Variants in THSD7B observed in about 807,000 individuals in gnomAD.
THSD7B encodes thrombospondin type-1 domain-containing protein 7B.
In THSD7B, 138 loss-of-function variants were observed where a neutral mutation model predicts 213.6. That is an observed-to-expected ratio of 0.65 (90% CI 0.56 to 0.74). The LOEUF (loss-of-function observed/expected upper bound fraction) is 0.74, where lower values mean the gene tolerates loss of function less well. Among genes scored for constraint, THSD7B ranks in the 30% least tolerant of loss-of-function variants. The pLI is 0.00. For missense variants in THSD7B, 1,931 were observed against 1,991.5 expected, an observed-to-expected ratio of 0.97 and a Z score of 0.58; for synonymous variants, 742 against 687.0, an observed-to-expected ratio of 1.08 and a Z score of -1.25.
chr2:137,399,903 C>T (rs1316229486), intron 12 of THSD7B, among the ~76,000 whole-genome samples: 1 of 151,976 alleles, frequency 6.6e-6, no homozygotes, highest in Admixed American at 6.6e-5. Flanking sequence ...ATTCTTTTCT[C>T]TTTATTTTTG....
chr2:136,991,395 A>T (rs1331764667), intron 2 of THSD7B, among the ~76,000 whole-genome samples: 2 of 152,232 alleles, frequency 1.3e-5, no homozygotes, highest in African/African-American at 4.8e-5. Flanking sequence ...ACCATGTTCT[A>T]TAGAAAGGTA....
intron 1 of THSD7B, among the ~76,000 whole-genome samples, chr2:136,860,782 G>C (rs1161603745): frequency 1.3e-5 from 2 of 152,194 alleles, no homozygotes; most frequent in African/African-American, 4.8e-5. Flanking sequence ...TCACTGTTCT[G>C]TTCAAAATAC....
chr2:137,024,233 G>A (rs973171214), intron 2 of THSD7B, among the ~76,000 whole-genome samples: 8 of 152,130 alleles, frequency 5.3e-5, no homozygotes, highest in African/African-American at 1.9e-4. Context: ...GGAGAATGGG[G>A]GAGACTAAAC....
Position 137,410,288 on chromosome 2 carries a change from A to G in THSD7B, c.2696-1321A>G, listed in dbSNP as rs535907983. Reference sequence around the variant, plus strand: ...AAATTCTTTTTTTTTTTCTTTTTTGAGACAGCATCTTGCTCTGTCGCCCAG... The same window carrying G: ...AAATTCTTTTTTTTTTTCTTTTTTGGGACAGCATCTTGCTCTGTCGCCCAG... On this transcript the variant is annotated intron_variant, in intron 13 of 27. Coordinates refer to ENST00000409968, the MANE Select transcript of THSD7B (RefSeq NM_001316349.2). Among the ~76,000 whole-genome samples the G allele has an allele frequency of 6.8e-4, 103 of 150,692 alleles. 1 individual carries two copies. Among genetic ancestry groups the G allele is most frequent in the African/African-American group, 2.3e-3 (96 of 41,038 alleles).
At chr2:137,042,995 A>G (rs1686909072) in intron 2 of THSD7B, among the ~76,000 whole-genome samples, 1 of 152,152 alleles carries the variant, frequency 6.6e-6, no homozygotes, top group Non-Finnish European at 1.5e-5. Flanking sequence ...TGGAAAGGGT[A>G]ATGAGGATAG....
intron 2 of THSD7B, among the ~76,000 whole-genome samples, chr2:136,954,691 T>C (rs567210895): frequency 8.4e-6 from 1 of 118,958 alleles, no homozygotes; most frequent in African/African-American, 3.4e-5. Flanking sequence ...CACTCCAGCC[T>C]GGGTGACAGT....
chr2:136,802,698 T>A (rs1682212138), intron 1 of THSD7B, among the ~76,000 whole-genome samples: 1 of 135,326 alleles, frequency 7.4e-6, no homozygotes, highest in Non-Finnish European at 1.6e-5. Flanking sequence ...ATTTGATCAC[T>A]GCTTTTGCAT....
At chr2:136,811,766 T>A (rs1682380719) in intron 1 of THSD7B, among the ~76,000 whole-genome samples, 1 of 152,156 alleles carries the variant, frequency 6.6e-6, no homozygotes, top group Non-Finnish European at 1.5e-5. Context: ...GACGTATGAT[T>A]TCTGGGTTCT....
intron 7 of THSD7B, among the ~76,000 whole-genome samples, chr2:137,225,057 G>A (rs758424023): frequency 1.3e-5 from 2 of 151,836 alleles, no homozygotes; most frequent in African/African-American, 2.4e-5. Context: ...ACTTCTATCA[G>A]TTCTTAGAAC....
rs534596621 is a variant in THSD7B, at chr2:137,570,634, ATTG to A, written c.3273-1769_3273-1767del. 1.4e-3 allele frequency among the ~76,000 whole-genome samples: 219 copies of A among 152,312 alleles called. 1 individual carries two copies. Among genetic ancestry groups the A allele is most frequent in the African/African-American group, 4.8e-3 (201 of 41,572 alleles). ...GGGAGCACCAAAAGCTCTTTAGCGT[ATTG>A]TTATTAAAGTGCTTATTTCTTAACC... On this transcript the variant is annotated intron_variant, in intron 16 of 27. Coordinates refer to ENST00000409968, the MANE Select transcript of THSD7B (RefSeq NM_001316349.2).
At chr2:137,467,079 A>G (rs1267558605) in intron 15 of THSD7B, among the ~76,000 whole-genome samples, 2 of 152,142 alleles carry the variant, frequency 1.3e-5, no homozygotes, top group Admixed American at 1.3e-4. Flanking sequence ...CTGAAGCTGC[A>G]TGTATGTCCA....
chr2:136,923,660 G>T (rs776991707), intron 2 of THSD7B, among the ~76,000 whole-genome samples: 2 of 152,106 alleles, frequency 1.3e-5, no homozygotes, highest in Admixed American at 6.6e-5. Context: ...TAATGGGGGC[G>T]AGGTGTTATC....
At chr2:137,411,005 T>C (rs1460064298) in intron 13 of THSD7B, among the ~76,000 whole-genome samples, 1 of 152,216 alleles carries the variant, frequency 6.6e-6, no homozygotes, top group Non-Finnish European at 1.5e-5. Context: ...AGTGAATTGG[T>C]AAGGTAAAGT....
rs149847329 is a variant in THSD7B at position 137,174,738 on chromosome 2, C to T, written c.1723+3800C>T. Among the ~76,000 whole-genome samples, 968 of 152,134 alleles carry T rather than the reference C, an allele frequency of 6.4e-3. 6 individuals are homozygous for T. The highest frequency in any genetic ancestry group is 8.0e-3 in the Non-Finnish European group (547 of 67,990). On this transcript the variant is annotated intron_variant, in intron 7 of 27. Coordinates refer to ENST00000409968, the MANE Select transcript of THSD7B (RefSeq NM_001316349.2). The stretch of plus-strand genomic sequence containing the variant: ...GTGTTCTTATTTGGAATCTGATTTC[C>T]GAGTCTCTGATTGATGGAATAGCTT...
chr2:136,872,657 C>T (rs1045714256), intron 1 of THSD7B, among the ~76,000 whole-genome samples: 6 of 147,546 alleles, frequency 4.1e-5, no homozygotes, highest in African/African-American at 7.5e-5. Context: ...TCTCTCCTCT[C>T]TCTTCTCTCT....
intron 20 of THSD7B, among the ~76,000 whole-genome samples, chr2:137,637,145 G>A (rs1025532887): frequency 2.6e-5 from 4 of 152,260 alleles, no homozygotes; most frequent in Admixed American, 2.6e-4. Context: ...TTTCTTGATA[G>A]AATAATTATT....
At chr2:136,871,116 T>C (rs1293888492) in intron 1 of THSD7B, among the ~76,000 whole-genome samples, 1 of 152,178 alleles carries the variant, frequency 6.6e-6, no homozygotes, top group African/African-American at 2.4e-5. Context: ...TGGTGAAGTG[T>C]GACACTGTCG....
chr2:137,091,520 T>TATTTTATTC (rs1553470201), intron 3 of THSD7B, among the ~76,000 whole-genome samples: 31 of 151,728 alleles, frequency 2.0e-4, no homozygotes, highest in Admixed American at 6.6e-4. Context: ...TATTTTATTT[T>TATTTTATTC]ATTCATTCAT....
At chr2:136,945,071 T>C (rs2105064837) in intron 2 of THSD7B, among the ~76,000 whole-genome samples, 1 of 152,314 alleles carries the variant, frequency 6.6e-6, no homozygotes, top group East Asian at 1.9e-4. Context: ...GGAGCTCTTG[T>C]AGGGCAGGCA....
Sources: allele counts gnomAD v4.1 joint callset (sites outside exome capture counted in the v4.1 genomes callset), GRCh38; gene constraint gnomAD v4.1.1; transcripts MANE v1.5; gene names NCBI Gene and HGNC (gene_info 2026-07-23, HGNC 2026-07-21).